The following ZNF609 variants were observed in gnomAD, a reference collection of about 807,000 sequenced individuals.
The protein encoded by ZNF609 is zinc finger protein 609.
ZNF609 carries 11 observed loss-of-function variants against 109.5 expected under a neutral mutation model. The observed-to-expected ratio is 0.10, with a 90% CI of 0.06 to 0.17. ZNF609 has a LOEUF of 0.17. ZNF609 is among the 10% of genes least tolerant of loss of function. The probability of loss-of-function intolerance (pLI) is 1.00; values close to 1 mark genes in which losing one functional copy is unlikely to be tolerated. For synonymous variants in ZNF609, 646 were observed against 662.0 expected, an observed-to-expected ratio of 0.98 and a Z score of 0.37; for missense variants, 1,559 against 1,772.4, an observed-to-expected ratio of 0.88 and a Z score of 2.16.
intron 1 of ZNF609, among the ~76,000 whole-genome samples, chr15:64,480,991 A>T (rs1308513947): frequency 2.6e-5 from 4 of 152,238 alleles, no homozygotes. Context: ...CCGGAGGAAC[A>T]AATAAGAATT....
Position 64,460,624 on chromosome 15 carries a change from A to AC in ZNF609, c.-339dup, listed in dbSNP as rs1426230039. 6.6e-6 allele frequency: 1 copy of AC among 151,674 alleles called. No individual in the cohort carries two copies. The highest frequency in any genetic ancestry group is 2.6e-5 in the African/African-American group (1 of 38,146). The allele number at this position is 151,674 out of a possible 1,614,324, so 9.4% of individuals were successfully genotyped here. Reference sequence around the variant, plus strand: ...CGGCGGCGGTGGCGGCGGCTGAGGGACCCGCGGCCCCGGACACAGCGGCAC... The same window carrying AC: ...CGGCGGCGGTGGCGGCGGCTGAGGGACCCCGCGGCCCCGGACACAGCGGCAC... On this transcript the variant is annotated 5_prime_UTR_variant, in exon 1 of 10. Transcript: ENST00000326648.
At chr15:64,669,839 T>C (rs1896700702) in intron 3 of ZNF609, among the ~76,000 whole-genome samples, 1 of 152,138 alleles carries the variant, frequency 6.6e-6, no homozygotes, top group Non-Finnish European at 1.5e-5. Context: ...AGCTAATTTT[T>C]GTAATTTTAG....
chr15:64,552,186 A>G (rs1894493641), intron 2 of ZNF609, among the ~76,000 whole-genome samples: 1 of 152,126 alleles, frequency 6.6e-6, no homozygotes, highest in Non-Finnish European at 1.5e-5. Flanking sequence ...AGTTTAGTTT[A>G]TCATTGCTTT....
chr15:64,570,934 G>C (rs1286068932), intron 2 of ZNF609, among the ~76,000 whole-genome samples: 4 of 152,168 alleles, frequency 2.6e-5, no homozygotes, highest in African/African-American at 9.7e-5. Flanking sequence ...GCTGAGGCAG[G>C]AGAATCACTT....
intron 1 of ZNF609, among the ~76,000 whole-genome samples, chr15:64,473,256 T>C (rs978438309): frequency 7.0e-6 from 1 of 142,854 alleles, no homozygotes; most frequent in African/African-American, 2.7e-5. Flanking sequence ...TGGAGTCCAG[T>C]GGTGTGGTCT....
At chr15:64,662,734 C>T (rs568347090) in intron 3 of ZNF609, among the ~76,000 whole-genome samples, 7 of 152,152 alleles carry the variant, frequency 4.6e-5, no homozygotes, top group Middle Eastern at 3.4e-3. Context: ...GGCGCGATCT[C>T]GGATCACCAC....
chr15:64,503,211 C>G (rs1893587011), intron 2 of ZNF609, among the ~76,000 whole-genome samples: 1 of 152,218 alleles, frequency 6.6e-6, no homozygotes, highest in Non-Finnish European at 1.5e-5. Flanking sequence ...ATACCTTCCT[C>G]TGACAGAGTG....
intron 1 of ZNF609, among the ~76,000 whole-genome samples, chr15:64,461,684 T>C (rs1261269244): frequency 6.6e-6 from 1 of 152,114 alleles, no homozygotes; most frequent in Non-Finnish European, 1.5e-5. Flanking sequence ...AGGGGGAATA[T>C]TTCTGAACAA....
intron 2 of ZNF609, among the ~76,000 whole-genome samples, chr15:64,582,740 A>G (rs1355512413): frequency 2.9e-4 from 10 of 34,918 alleles, no homozygotes; most frequent in Non-Finnish European, 4.2e-4. Context: ...TTTTTTTTTG[A>G]GACAGAGTCT....
chr15:64,604,892 C>T (rs978293135), intron 2 of ZNF609, among the ~76,000 whole-genome samples: 1 of 151,994 alleles, frequency 6.6e-6, no homozygotes, highest in Non-Finnish European at 1.5e-5. Flanking sequence ...AGTGCAGTGG[C>T]ATGATCTTGG....
At chr15:64,634,577 G>GT (rs1896143003) in intron 3 of ZNF609, among the ~76,000 whole-genome samples, 1 of 152,076 alleles carries the variant, frequency 6.6e-6, no homozygotes, top group African/African-American at 2.4e-5. Context: ...GAAAAGTAAG[G>GT]TGGCATTCAG....
chr15:64,504,490 G>A (rs78445665), intron 2 of ZNF609, among the ~76,000 whole-genome samples: 2,241 of 152,112 alleles, frequency 0.015, 24 homozygotes, highest in Middle Eastern at 0.034. Context: ...TATTATTTTC[G>A]AGATGGAGAC....
rs142808028 is a variant in ZNF609 at position 64,549,468 on chromosome 15, G to A, written c.747+49302G>A. ...TGGGATTACAGGCATGAGCCACCGT[G>A]CCAAGACTGTTGTAAGAAGTGTATG... On this transcript the variant is annotated intron_variant, in intron 2 of 9. Coordinates refer to ENST00000326648, the MANE Select transcript of ZNF609 (RefSeq NM_015042.2). Among the ~76,000 whole-genome samples the A allele has an allele frequency of 1.6e-4, 24 of 152,246 alleles. No homozygotes were observed. The East Asian group carries it at 3.5e-3, about 22-fold the overall frequency.
chr15:64,664,687 CA>C (rs1316991967), intron 3 of ZNF609, among the ~76,000 whole-genome samples: 1 of 152,192 alleles, frequency 6.6e-6, no homozygotes, highest in Non-Finnish European at 1.5e-5. Context: ...TAAACCTCAT[CA>C]ATGTGTGTTT....
At chr15:64,595,118 G>C (rs534647662) in intron 2 of ZNF609, among the ~76,000 whole-genome samples, 7 of 151,904 alleles carry the variant, frequency 4.6e-5, no homozygotes, top group African/African-American at 1.4e-4. Context: ...TCAGTACTTT[G>C]GGAGGCTAAG....
intron 1 of ZNF609, among the ~76,000 whole-genome samples, chr15:64,481,304 G>A (rs186588429): frequency 2.2e-4 from 33 of 151,022 alleles, no homozygotes; most frequent in African/African-American, 8.1e-4. Flanking sequence ...GAGAAGAAAG[G>A]CATCTTTCTT....
intron 2 of ZNF609, among the ~76,000 whole-genome samples, chr15:64,610,563 C>T (rs75563572): frequency 5.3e-4 from 81 of 152,200 alleles, no homozygotes; most frequent in African/African-American, 1.9e-3. Flanking sequence ...GCCGGAGGAT[C>T]GTTGAGTCCA....
chr15:64,580,682 C>A (rs1895086488), intron 2 of ZNF609, among the ~76,000 whole-genome samples: 1 of 151,818 alleles, frequency 6.6e-6, no homozygotes, highest in South Asian at 2.1e-4. Context: ...ACTGGGACTA[C>A]AGGCATACGC....
Position 64,493,307 on chromosome 15 carries a change from C to G in ZNF609, c.-127-5986C>G, listed in dbSNP as rs558421837. 2.6e-5 allele frequency among the ~76,000 whole-genome samples: 4 copies of G among 152,112 alleles called. No individual in the cohort carries two copies. The East Asian group carries it at 7.7e-4, about 29-fold the overall frequency. On this transcript the variant is annotated intron_variant, in intron 1 of 9. Coordinates refer to ENST00000326648, the MANE Select transcript of ZNF609 (RefSeq NM_015042.2). ...CATGAAAACTCTTTTTCATTCTTAC[C>G]CTTGTCGAAGGAGAGGCCTTGTTCA...
Sources: gnomAD v4.1 joint callset for allele counts (sites outside exome capture counted in the v4.1 genomes callset) on GRCh38, gnomAD v4.1.1 for gene constraint, MANE v1.5 for transcripts, NCBI Gene and HGNC (gene_info 2026-07-23, HGNC 2026-07-21) for gene names.